Variants in CACNA1C observed in about 807,000 individuals in gnomAD.
CACNA1C encodes the protein calcium voltage-gated channel subunit alpha1 C.
CACNA1C carries 30 observed loss-of-function variants against 229.0 expected under a neutral mutation model. The observed-to-expected ratio is 0.13, with a 90% confidence interval of 0.10 to 0.18. The LOEUF (loss-of-function observed/expected upper bound fraction) is 0.18. CACNA1C is among the 10% of genes least tolerant of loss of function. The pLI is 1.00. For missense variants in CACNA1C, 1,658 were observed against 2,845.0 expected (o/e 0.58, Z 9.49); for synonymous variants, 1,114 against 1,132.5 (o/e 0.98, Z 0.33).
At chr12:2,192,413 G>A (rs756715652) in intron 3 of CACNA1C, among the ~76,000 whole-genome samples, 13 of 152,144 alleles carry the variant, frequency 8.5e-5, no homozygotes, top group African/African-American at 1.4e-4. Flanking sequence ...TCTTCTGCGC[G>A]TGGATTCCCG....
At chr12:2,353,222 G>A (rs1463851491) in intron 3 of CACNA1C, among the ~76,000 whole-genome samples, 2 of 152,156 alleles carry the variant, frequency 1.3e-5, no homozygotes, top group African/African-American at 4.8e-5. Flanking sequence ...CAGGTGGGTA[G>A]AATTTCCACA....
intron 3 of CACNA1C, among the ~76,000 whole-genome samples, chr12:2,376,217 G>A (rs2098059607): frequency 6.6e-6 from 1 of 152,182 alleles, no homozygotes; most frequent in African/African-American, 2.4e-5. Flanking sequence ...ACACTGCCAT[G>A]GAGGACACTC....
chr12:2,651,458 G>A lies in CACNA1C; in HGVS notation c.3946-182G>A, dbSNP rs2094959967. Reference sequence around the variant, plus strand: ...AGTCTAGCTCTGCAGAGACCATGGGGCTGGGCTGTCCACTCATTAAAGTGG... The same window carrying A: ...AGTCTAGCTCTGCAGAGACCATGGGACTGGGCTGTCCACTCATTAAAGTGG... On this transcript the variant is annotated intron_variant, in intron 31 of 46. Coordinates refer to ENST00000399655, the MANE Select transcript of CACNA1C (RefSeq NM_000719.7). This position sits in a 1 kb window ranked among gnomAD's most constrained non-coding sequence, Gnocchi z 5.4. The A allele has an allele frequency of 1.3e-6, 1 of 763,210 alleles. No homozygotes were observed. Among genetic ancestry groups the A allele is most frequent in the Admixed American group, 2.2e-5 (1 of 44,616 alleles). The allele number at this position is 763,210 out of a possible 1,614,324, so 47.3% of individuals were successfully genotyped here.
chr12:2,178,994 A>T (rs897283994), intron 3 of CACNA1C, among the ~76,000 whole-genome samples: 2 of 152,164 alleles, frequency 1.3e-5, no homozygotes, highest in African/African-American at 4.8e-5. Flanking sequence ...CCCAGAAGGT[A>T]AAGGTTGCAG....
intron 1 of CACNA1C, among the ~76,000 whole-genome samples, chr12:1,995,106 A>G (rs187964803): frequency 6.6e-6 from 1 of 152,346 alleles, no homozygotes; most frequent in Admixed American, 6.5e-5. Context: ...TTTAATTGAG[A>G]GTTCCATTAG....
At chr12:2,183,608 T>A (rs2096907749) in intron 3 of CACNA1C, among the ~76,000 whole-genome samples, 1 of 151,628 alleles carries the variant, frequency 6.6e-6, no homozygotes, top group African/African-American at 2.4e-5. Context: ...AATGTCACGG[T>A]CCCACACAAA....
chr12:2,419,478 A>G (rs1196711254), intron 3 of CACNA1C, among the ~76,000 whole-genome samples: 1 of 152,162 alleles, frequency 6.6e-6, no homozygotes, highest in Non-Finnish European at 1.5e-5. Flanking sequence ...TGACATTTCA[A>G]CATGAGATTT....
At chr12:2,508,596 T>C (rs1433840002) in intron 8 of CACNA1C, among the ~76,000 whole-genome samples, 1 of 152,202 alleles carries the variant, frequency 6.6e-6, no homozygotes, top group Admixed American at 6.5e-5. Flanking sequence ...GAGGCTGCAG[T>C]GAGCCATAGT....
intron 1 of CACNA1C, among the ~76,000 whole-genome samples, chr12:1,980,477 G>A (rs2035779491): frequency 6.6e-6 from 1 of 151,942 alleles, no homozygotes; most frequent in African/African-American, 2.4e-5. Context: ...TCAATATAGT[G>A]CTGAGTCAGA....
intron 3 of CACNA1C, among the ~76,000 whole-genome samples, chr12:2,125,848 G>A (rs1271448653): frequency 6.6e-6 from 1 of 152,174 alleles, no homozygotes; most frequent in African/African-American, 2.4e-5. Flanking sequence ...GCAGAAAGAC[G>A]ACACACGTCA....
At chr12:2,365,026 C>T (rs1354471274) in intron 3 of CACNA1C, among the ~76,000 whole-genome samples, 5 of 152,250 alleles carry the variant, frequency 3.3e-5, no homozygotes, top group Non-Finnish European at 7.3e-5. Flanking sequence ...ACAGCAGACG[C>T]TGCCACAAAG....
chr12:2,267,658 AG>A (rs1318868338), intron 3 of CACNA1C, among the ~76,000 whole-genome samples: 1 of 152,222 alleles, frequency 6.6e-6, no homozygotes, highest in Non-Finnish European at 1.5e-5. Context: ...CAGAATAATA[AG>A]AAGGGCAAAT....
chr12:2,015,695 C>T (rs1304812690), intron 1 of CACNA1C, among the ~76,000 whole-genome samples: 1 of 152,164 alleles, frequency 6.6e-6, no homozygotes. Flanking sequence ...AAGTTGGGCC[C>T]TGGTCAGTCT....
At chr12:2,688,308 A>C in intron 45 of CACNA1C, 139 bp from the exon 46 acceptor site, 1 of 727,852 alleles carries the variant, frequency 1.4e-6, no homozygotes, top group South Asian at 1.7e-5. Context: ...CCGACAGGGG[A>C]AAATAATGGC....
At chr12:2,416,893 G>A (rs546062563) in intron 3 of CACNA1C, among the ~76,000 whole-genome samples, 28 of 152,336 alleles carry the variant, frequency 1.8e-4, no homozygotes, top group Middle Eastern at 3.4e-3. Context: ...AGCAGAGGCC[G>A]GATTCGAACC....
intron 13 of CACNA1C, among the ~76,000 whole-genome samples, chr12:2,568,491 G>T (rs1239571477): frequency 6.6e-6 from 1 of 152,156 alleles, no homozygotes; most frequent in Non-Finnish European, 1.5e-5. Context: ...TTGAAAGTAG[G>T]ATCTCAAAGA....
At chr12:2,160,907 C>T (rs1253862262) in intron 3 of CACNA1C, among the ~76,000 whole-genome samples, 16 of 152,176 alleles carry the variant, frequency 1.1e-4, no homozygotes, top group Admixed American at 2.6e-4. Context: ...CTGCAACCTC[C>T]GCCTCCCAGG....
rs2099754989 is a variant in CACNA1C, at chr12:2,499,820, CTGACT to C, written c.1114-5020_1114-5016del. ...ATCTGGGTCATTTTTTTTTTTAAAT[CTGACT>C]TTATTCTTTGTCTTCTTAATAGCTC... is the stretch of plus-strand genomic sequence containing the variant. On this transcript the variant is annotated intron_variant, in intron 7 of 46. Coordinates refer to ENST00000399655, the MANE Select transcript of CACNA1C (RefSeq NM_000719.7). Among the ~76,000 whole-genome samples, 13 of 151,268 alleles carry C rather than the reference CTGACT, an allele frequency of 8.6e-5. No individual in the cohort carries two copies. In the South Asian group the frequency reaches 2.7e-3, roughly 32 times the overall value.
chr12:2,606,957 A>T, intron 25 of CACNA1C, 27 bp from the exon 26 acceptor site: 1 of 1,611,068 alleles, frequency 6.2e-7, no homozygotes, highest in South Asian at 1.1e-5. Flanking sequence ...GAGATCCCAG[A>T]GTAAACTCCT....
Sources: allele counts gnomAD v4.1 joint callset (sites outside exome capture counted in the v4.1 genomes callset), GRCh38; gene constraint gnomAD v4.1.1; non-coding constraint Gnocchi (gnomAD v3.1); transcripts MANE v1.5; gene names NCBI Gene and HGNC (gene_info 2026-07-23, HGNC 2026-07-21).